Variants in GALK2 observed in about 807,000 individuals in gnomAD.
GALK2 encodes the protein galactokinase 2.
Under a neutral mutation model 52.4 loss-of-function variants are expected in GALK2, and 36 were observed. That is an observed-to-expected ratio of 0.69 (90% CI 0.53 to 0.91). The LOEUF is 0.91. GALK2 is among the 40% of genes least tolerant of loss of function. The pLI, the probability that GALK2 is intolerant of heterozygous loss-of-function variation, is 0.00. For synonymous variants in GALK2, 176 were observed against 199.1 expected (o/e 0.88, Z 0.98); for missense variants, 579 against 559.1 (o/e 1.04, Z -0.36).
chr15:49,227,437 CA>C (rs1415112420), intron 3 of GALK2, among the ~76,000 whole-genome samples: 1 of 151,910 alleles, frequency 6.6e-6, no homozygotes, highest in African/African-American at 2.4e-5. Flanking sequence ...CTGATATAAG[CA>C]TGGCTATTCC....
At chr15:49,258,621 T>G (rs2091918510) in intron 5 of GALK2, among the ~76,000 whole-genome samples, 1 of 152,104 alleles carries the variant, frequency 6.6e-6, no homozygotes, top group Non-Finnish European at 1.5e-5. Context: ...AGTTAAAGTA[T>G]GTAACTCAGG....
intron 7 of GALK2, among the ~76,000 whole-genome samples, chr15:49,291,865 G>GACATAT (rs1387832087): frequency 6.6e-6 from 1 of 152,114 alleles, no homozygotes; most frequent in Non-Finnish European, 1.5e-5. Flanking sequence ...TTTTCAAAGA[G>GACATAT]ACATATAGTA....
intron 3 of GALK2, among the ~76,000 whole-genome samples, chr15:49,360,704 A>G (rs190694846): frequency 6.6e-6 from 1 of 152,312 alleles, no homozygotes; most frequent in East Asian, 1.9e-4. Flanking sequence ...TCATAATTCA[A>G]ATATCAAGTG....
Position 49,206,832 on chromosome 15 carries a change from T to C in GALK2, c.142+5582T>C, listed in dbSNP as rs936716335. Among the ~76,000 whole-genome samples, 9 of 152,284 alleles carry C rather than the reference T, an allele frequency of 5.9e-5. No individual in the cohort carries two copies. The East Asian group carries it at 1.7e-3, about 29-fold the overall frequency. Reference sequence around the variant, plus strand: ...TACCAATTTGAATGCCCTATATTTCTTTCTCTTGTCTGATTGCTCTGGCTA... The same window carrying C: ...TACCAATTTGAATGCCCTATATTTCCTTCTCTTGTCTGATTGCTCTGGCTA... On this transcript the variant is annotated intron_variant, in intron 2 of 9. Coordinates refer to ENST00000560031, the MANE Select transcript of GALK2 (RefSeq NM_002044.4).
At chr15:49,168,778 CA>C (rs1314906897), upstream of GALK2, among the ~76,000 whole-genome samples, 6 of 1,428 alleles carry the variant, frequency 4.2e-3, no homozygotes, top group Admixed American at 0.013. Flanking sequence ...AAACATTTTA[CA>C]TTTTTTTTTA....
intron 1 of GALK2, among the ~76,000 whole-genome samples, chr15:49,189,487 T>C (rs949231944): frequency 1.3e-5 from 2 of 152,190 alleles, no homozygotes; most frequent in East Asian, 3.8e-4. Flanking sequence ...ATTTGCTTTT[T>C]TCCTATATAT....
At chr15:49,364,712 T>G (rs2044824247) in intron 3 of GALK2, among the ~76,000 whole-genome samples, 1 of 152,198 alleles carries the variant, frequency 6.6e-6, no homozygotes, top group Non-Finnish European at 1.5e-5. Context: ...CTTAAACAGT[T>G]ATTTCTATAA....
intron 8 of GALK2, among the ~76,000 whole-genome samples, chr15:49,294,064 C>T (rs2034202600): frequency 6.7e-6 from 1 of 149,538 alleles, no homozygotes; most frequent in African/African-American, 2.5e-5. Context: ...TGTGCCACTG[C>T]ACTCCAGGGG....
chr15:49,161,492 T>A (rs1383100239), intron 1 of GALK2, among the ~76,000 whole-genome samples: 2 of 152,202 alleles, frequency 1.3e-5, no homozygotes, highest in Admixed American at 1.3e-4. Context: ...GTTAAGATAC[T>A]CTCTTTTATT....
At chr15:49,197,964 C>T (rs189871748) in intron 1 of GALK2, among the ~76,000 whole-genome samples, 45 of 152,192 alleles carry the variant, frequency 3.0e-4, no homozygotes, top group Non-Finnish European at 3.4e-4. Flanking sequence ...TTGAAAAGCA[C>T]TAATATTTTA....
intron 3 of GALK2, chr15:49,366,657 C>T: frequency 6.5e-7 from 1 of 1,549,802 alleles, no homozygotes. Flanking sequence ...GCGGCCGTGG[C>T]AGGGGACAGC....
chr15:49,170,176 C>T, upstream of GALK2: 2 of 1,464,110 alleles, frequency 1.4e-6, no homozygotes. Context: ...TGGAAGCAGC[C>T]ACCTCAGCGA....
intron 1 of GALK2, chr15:49,198,810 T>G (rs912345705): frequency 3.3e-5 from 5 of 149,930 alleles, no homozygotes; most frequent in African/African-American, 1.2e-4. Flanking sequence ...TTACTCAATT[T>G]TCCCTTCCTC....
intron 4 of GALK2, among the ~76,000 whole-genome samples, chr15:49,237,602 T>C (rs2090889975): frequency 6.6e-6 from 1 of 151,784 alleles, no homozygotes; most frequent in Non-Finnish European, 1.5e-5. Flanking sequence ...TCACCCTCCT[T>C]AGTAGCTGGG....
intron 7 of GALK2, among the ~76,000 whole-genome samples, chr15:49,289,865 A>C (rs559228331): frequency 1.3e-5 from 2 of 152,186 alleles, no homozygotes; most frequent in South Asian, 4.1e-4. Flanking sequence ...ACCATTTATC[A>C]GTGCCTCTTT....
At chr15:49,351,274 G>A (rs1432482549) in intron 3 of GALK2, among the ~76,000 whole-genome samples, 1 of 152,046 alleles carries the variant, frequency 6.6e-6, no homozygotes, top group African/African-American at 2.4e-5. Context: ...ATGACTACTA[G>A]CTATGGAATT....
Position 49,172,613 on chromosome 15 carries a change from T to A in GALK2, c.53+2238T>A, listed in dbSNP as rs558362563. Among the ~76,000 whole-genome samples the A allele has an allele frequency of 2.6e-5, 4 of 152,328 alleles. No individual in the cohort carries two copies. In the South Asian group the frequency reaches 8.3e-4, roughly 32 times the overall value. Reference sequence around the variant, plus strand: ...CTTTTTCCAGGATGCCTCTTCAACCTCACAAGGCACATGATCCTTTGAGTA... The same window carrying A: ...CTTTTTCCAGGATGCCTCTTCAACCACACAAGGCACATGATCCTTTGAGTA... On this transcript the variant is annotated intron_variant, in intron 1 of 9. Coordinates refer to ENST00000560031, the MANE Select transcript of GALK2 (RefSeq NM_002044.4).
intron 3 of GALK2, among the ~76,000 whole-genome samples, chr15:49,349,162 A>G (rs1483659735): frequency 1.3e-5 from 2 of 152,182 alleles, no homozygotes; most frequent in Non-Finnish European, 2.9e-5. Context: ...TAGAACTTAA[A>G]CTGAGTTTGT....
intron 8 of GALK2, among the ~76,000 whole-genome samples, chr15:49,299,796 G>A (rs1401961800): frequency 1.5e-4 from 11 of 74,176 alleles, no homozygotes; most frequent in South Asian, 4.7e-4. Context: ...TCTTTCTTTC[G>A]TGCTGTAGTC....
Sources: allele counts gnomAD v4.1 joint callset (sites outside exome capture counted in the v4.1 genomes callset), GRCh38; gene constraint gnomAD v4.1.1; transcripts MANE v1.5; gene names NCBI Gene and HGNC (gene_info 2026-07-23, HGNC 2026-07-21).